The following CUBN variants were observed in gnomAD, a reference collection of about 807,000 sequenced individuals.
CUBN encodes 460 kDa receptor.
Under a neutral mutation model 405.3 loss-of-function variants are expected in CUBN, and 282 were observed. The observed-to-expected ratio is 0.70, with a 90% CI of 0.63 to 0.77. The LOEUF (loss-of-function observed/expected upper bound fraction) is 0.77. CUBN is among the 30% of genes least tolerant of loss of function. CUBN has a pLI of 0.00. For synonymous variants in CUBN, 1,684 were observed against 1,617.0 expected, an observed-to-expected ratio of 1.04 and a Z score of -0.99; for missense variants, 4,514 against 4,475.2, an observed-to-expected ratio of 1.01 and a Z score of -0.25.
intron 27 of CUBN, among the ~76,000 whole-genome samples, chr10:17,037,860 G>C (rs1588602206): frequency 6.6e-6 from 1 of 151,784 alleles, no homozygotes; most frequent in Non-Finnish European, 1.5e-5. Flanking sequence ...GCTCTGACCA[G>C]AGTCACATTG....
At chr10:16,891,648 T>C (rs1338591481) in intron 54 of CUBN, among the ~76,000 whole-genome samples, 1 of 152,166 alleles carries the variant, frequency 6.6e-6, no homozygotes, top group African/African-American at 2.4e-5. Context: ...AGATCATGGT[T>C]ATCTACAATG....
intron 28 of CUBN, 40 bp downstream of exon 28, chr10:17,019,793 T>C (rs757574642): frequency 1.2e-6 from 2 of 1,613,664 alleles, no homozygotes; most frequent in Non-Finnish European, 1.7e-6. Flanking sequence ...CTTGGCCAAA[T>C]AGCAACTGCA....
In CUBN at chr10:16,942,042, G is replaced by A. The variant is rs1434599956; in HGVS notation, c.5343-1805C>T. Among the ~76,000 whole-genome samples the A allele has an allele frequency of 2.0e-5, 3 of 151,960 alleles. No individual in the cohort carries two copies. The East Asian group carries it at 5.8e-4, about 29-fold the overall frequency. ...ATTCATAAAAGAAGACAAGAAAATGGCTACCAAGAATGTGAAAAGTACTCT... is the reference window on the plus strand; with the variant it reads ...ATTCATAAAAGAAGACAAGAAAATGACTACCAAGAATGTGAAAAGTACTCT... On this transcript the variant is annotated intron_variant, in intron 36 of 66. Coordinates refer to ENST00000377833, the MANE Select transcript of CUBN (RefSeq NM_001081.4).
chr10:17,036,099 G>A (rs566280986), intron 27 of CUBN, among the ~76,000 whole-genome samples: 270 of 152,230 alleles, frequency 1.8e-3, no homozygotes, highest in Admixed American at 4.6e-3. Flanking sequence ...AACATAATCT[G>A]TGAACATCAC....
intron 59 of CUBN, among the ~76,000 whole-genome samples, chr10:16,855,474 G>A (rs547210634): frequency 1.3e-5 from 2 of 152,228 alleles, no homozygotes; most frequent in East Asian, 1.9e-4. Context: ...CATGTGCTGA[G>A]TAACTGCTGG....
Position 17,122,969 on chromosome 10 carries a change from T to C in CUBN, c.490-71A>G, listed in dbSNP as rs1213709147. ...GTATCTGGAGCGAACATTCACATGA[T>C]ACGTTTAAGGATTTATACGTGGACA... On this transcript the variant is annotated intron_variant, in intron 5 of 66. Transcript: ENST00000377833. 9 of 1,032,378 alleles carry C rather than the reference T, an allele frequency of 8.7e-6. No individual in the cohort carries two copies. In the East Asian group the frequency reaches 1.4e-4, roughly 16 times the overall value. 64.0% of individuals were successfully genotyped at this position (1,032,378 alleles called of 1,614,324 possible).
At chr10:16,937,448 T>C in intron 39 of CUBN, 144 bp downstream of exon 39, 1 of 671,020 alleles carries the variant, frequency 1.5e-6, no homozygotes, top group South Asian at 1.9e-5. Context: ...TGTTTATGAA[T>C]TTAAAACAAC....
intron 39 of CUBN, among the ~76,000 whole-genome samples, chr10:16,936,233 G>A (rs1170687623): frequency 6.6e-6 from 1 of 152,098 alleles, no homozygotes; most frequent in Non-Finnish European, 1.5e-5. Context: ...TTTCTACCTT[G>A]AGGGTTGTAA....
chr10:16,934,131 C>T (rs1465320297), intron 39 of CUBN, among the ~76,000 whole-genome samples: 2 of 152,102 alleles, frequency 1.3e-5, no homozygotes, highest in African/African-American at 2.4e-5. Flanking sequence ...GAGGCTACTA[C>T]AAAGCTAGGA....
At chr10:17,042,821 T>C (rs1316199422) in intron 26 of CUBN, among the ~76,000 whole-genome samples, 1 of 152,172 alleles carries the variant, frequency 6.6e-6, no homozygotes, top group Admixed American at 6.6e-5. Flanking sequence ...TTTCAGTTAA[T>C]TCAAGGGATA....
Position 16,920,010 on chromosome 10 carries a change from G to A in CUBN, c.6774C>T (p.Arg2258=). 1.2e-6 allele frequency: 2 copies of A among 1,613,978 alleles called. No individual in the cohort carries two copies. Among genetic ancestry groups the A allele is most frequent in the Middle Eastern group, 1.7e-4 (1 of 5,988 alleles). ...IWILAAPPET[R]IQLQFEDRFD... Reference sequence around the variant, plus strand: ...ATCGATCTTCAAATTGCAGCTGTATGCGTGTTTCCGGTGGAGCCGCTAAGA... The same window carrying A: ...ATCGATCTTCAAATTGCAGCTGTATACGTGTTTCCGGTGGAGCCGCTAAGA... The change falls in exon 44 of 67, where the codon CGC becomes CGT. Residue 2258 remains arginine, a synonymous_variant. Coordinates refer to ENST00000377833, the MANE Select transcript of CUBN (RefSeq NM_001081.4).
intron 57 of CUBN, among the ~76,000 whole-genome samples, chr10:16,874,897 C>A (rs889356464): frequency 6.6e-6 from 1 of 151,880 alleles, no homozygotes; most frequent in African/African-American, 2.4e-5. Context: ...ATGTTCTGGG[C>A]GTACAGATCT....
At position 16,950,297 on chromosome 10, in the gene CUBN, T is replaced by C. The variant is rs61841459; in HGVS notation, c.4970-186A>G. Reference sequence around the variant, plus strand: ...TAACTTATTGTACATTTAAAAATAATTAAAAGAGTAGAATTGGATTATTTG... The same window carrying C: ...TAACTTATTGTACATTTAAAAATAACTAAAAGAGTAGAATTGGATTATTTG... On this transcript the variant is annotated intron_variant, in intron 33 of 66. Transcript: ENST00000377833. Among the ~76,000 whole-genome samples the C allele has an allele frequency of 0.057, 8,694 of 152,198 alleles. 358 individuals are homozygous for C. Among genetic ancestry groups the C allele is most frequent in the Non-Finnish European group, 0.088 (5,980 of 68,000 alleles).
chr10:16,887,591 A>G (rs775590818), intron 56 of CUBN, among the ~76,000 whole-genome samples: 6 of 152,204 alleles, frequency 3.9e-5, no homozygotes, highest in Non-Finnish European at 8.8e-5. Flanking sequence ...AAGGATGTGG[A>G]GAAAAGGGAA....
chr10:16,999,410 TCA>T (rs1833820197), intron 28 of CUBN, among the ~76,000 whole-genome samples: 1 of 152,232 alleles, frequency 6.6e-6, no homozygotes, highest in Non-Finnish European at 1.5e-5. Flanking sequence ...ATTAACTTTA[TCA>T]GTTTCCTTTT....
intron 51 of CUBN, 114 bp from the exon 52 acceptor site, chr10:16,901,573 G>C: frequency 7.2e-7 from 1 of 1,385,032 alleles, no homozygotes; most frequent in Non-Finnish European, 1.0e-6. Flanking sequence ...ACATAGTAAG[G>C]CCAGGCATGG....
intron 32 of CUBN, 52 bp from the exon 33 acceptor site, chr10:16,952,441 AC>A: frequency 9.6e-7 from 1 of 1,042,460 alleles, no homozygotes. Flanking sequence ...ATTTCTACTG[AC>A]CGTACAAAAC....
intron 54 of CUBN, among the ~76,000 whole-genome samples, chr10:16,891,943 T>TG (rs1228539220): frequency 2.0e-5 from 3 of 152,242 alleles, no homozygotes; most frequent in East Asian, 3.9e-4. Context: ...CAAACAAGGA[T>TG]GTAGTTGGAT....
At chr10:17,123,235 T>A (rs1325444206) in intron 5 of CUBN, among the ~76,000 whole-genome samples, 1 of 152,078 alleles carries the variant, frequency 6.6e-6, no homozygotes, top group East Asian at 1.9e-4. Context: ...TCCATCGTTA[T>A]CAGAAAAAAT....
Sources: gnomAD v4.1 joint callset for allele counts (sites outside exome capture counted in the v4.1 genomes callset) on GRCh38, gnomAD v4.1.1 for gene constraint, MANE v1.5 for transcripts, NCBI Gene and HGNC (gene_info 2026-07-23, HGNC 2026-07-21) for gene names.